RANBP2: variants seen among roughly 807,000 people sequenced by gnomAD.
The protein encoded by RANBP2 is E3 SUMO-protein ligase RanBP2.
RANBP2 carries 57 observed loss-of-function variants against 303.6 expected under a neutral mutation model. That is an observed-to-expected ratio of 0.19 (90% CI 0.15 to 0.23). RANBP2 has a LOEUF of 0.23. Among genes scored for constraint, RANBP2 ranks in the 10% least tolerant of loss-of-function variants. RANBP2 has a pLI of 1.00. For synonymous variants in RANBP2, 1,167 were observed against 1,301.5 expected, an observed-to-expected ratio of 0.90 and a Z score of 2.23; for missense variants, 3,138 against 3,780.8, an observed-to-expected ratio of 0.83 and a Z score of 4.46.
intron 2 of RANBP2, among the ~76,000 whole-genome samples, chr2:108,729,803 T>G (rs1480559091): frequency 6.6e-6 from 1 of 150,984 alleles, no homozygotes; most frequent in Non-Finnish European, 1.5e-5. Context: ...CACTGTAACC[T>G]CTGCCTTCTG....
the RANBP2 span, among the ~76,000 whole-genome samples, chr2:109,695,545 G>A: frequency 6.6e-6 from 1 of 152,192 alleles, no homozygotes; most frequent in South Asian, 2.1e-4. Context: ...TGGTGGTTCA[G>A]CTTGATTGAT....
At chr2:109,647,745 C>T in the RANBP2 span, among the ~76,000 whole-genome samples, 3 of 152,234 alleles carry the variant, frequency 2.0e-5, no homozygotes, top group East Asian at 1.9e-4. Flanking sequence ...ACTGGGATTA[C>T]AGGCATGAGC....
the RANBP2 span, among the ~76,000 whole-genome samples, chr2:109,322,844 A>G: frequency 6.6e-6 from 1 of 152,358 alleles, no homozygotes; most frequent in East Asian, 1.9e-4. Context: ...ATATGGGCAG[A>G]CAGCTTTATT....
the RANBP2 span, chr2:109,614,975 G>GC: frequency 1.5e-5 from 23 of 1,538,128 alleles, no homozygotes; most frequent in Non-Finnish European, 1.9e-5. Context: ...GCGACGTGCA[G>GC]CCCCTACCGC....
chr2:108,874,605 A>G, the RANBP2 span, among the ~76,000 whole-genome samples: 1 of 152,168 alleles, frequency 6.6e-6, no homozygotes, highest in African/African-American at 2.4e-5. Flanking sequence ...CCAGGCTTCC[A>G]TATGCTTGAG....
chr2:109,077,341 A>G, the RANBP2 span, among the ~76,000 whole-genome samples: 1 of 150,660 alleles, frequency 6.6e-6, no homozygotes, highest in African/African-American at 2.4e-5. Context: ...ATGTTTTTTG[A>G]TAAAGATTTT....
chr2:109,130,178 T>TG, the RANBP2 span: 1 of 1,237,496 alleles, frequency 8.1e-7, no homozygotes. Context: ...TGCTTGGGCG[T>TG]GGGGGGCAGT....
chr2:108,853,917 T>TACA, the RANBP2 span, among the ~76,000 whole-genome samples: 14 of 122,392 alleles, frequency 1.1e-4, no homozygotes, highest in African/African-American at 4.7e-4. Flanking sequence ...TTATATAGTA[T>TACA]ATATATTATA....
the RANBP2 span, among the ~76,000 whole-genome samples, chr2:109,463,831 C>G: frequency 1.3e-5 from 2 of 152,102 alleles, no homozygotes; most frequent in African/African-American, 2.4e-5. Context: ...CAGTGGAGGC[C>G]CCTTTCTCCC....
chr2:109,378,022 C>G, the RANBP2 span, among the ~76,000 whole-genome samples: 1 of 152,248 alleles, frequency 6.6e-6, no homozygotes, highest in Non-Finnish European at 1.5e-5. Context: ...GTTGGATTTG[C>G]CATTTTACCT....
rs1356731489 is a variant in RANBP2, at chr2:108,736,033, G to A, written c.637-71G>A. The A allele has an allele frequency of 1.5e-5, 24 of 1,610,900 alleles. No individual in the cohort carries two copies. In the Admixed American group the frequency reaches 2.8e-4, roughly 19 times the overall value. The stretch of plus-strand genomic sequence containing the variant: ...GTGGTTGGAGTGAGAAAAGGAATTT[G>A]TAGGCTTAAAATGATTAATTTCTTA... On this transcript the variant is annotated intron_variant, in intron 5 of 28. Coordinates refer to ENST00000283195, the MANE Select transcript of RANBP2 (RefSeq NM_006267.5).
At chr2:109,327,745 T>C in the RANBP2 span, among the ~76,000 whole-genome samples, 2 of 152,258 alleles carry the variant, frequency 1.3e-5, no homozygotes, top group African/African-American at 4.8e-5. Context: ...AAATATAAAG[T>C]ATTTTTAATT....
intron 25 of RANBP2, among the ~76,000 whole-genome samples, chr2:108,777,569 T>G (rs539054706): frequency 1.3e-5 from 2 of 152,244 alleles, no homozygotes; most frequent in East Asian, 3.9e-4. Flanking sequence ...TTTTGTGAGT[T>G]TATACTTTTT....
At chr2:109,694,028 TG>T in the RANBP2 span, among the ~76,000 whole-genome samples, 1 of 152,206 alleles carries the variant, frequency 6.6e-6, no homozygotes, top group Non-Finnish European at 1.5e-5. Flanking sequence ...TGTGTGTGCA[TG>T]TGTGTGTCTA....
At chr2:109,516,740 G>A in the RANBP2 span, among the ~76,000 whole-genome samples, 11 of 152,230 alleles carry the variant, frequency 7.2e-5, no homozygotes, top group African/African-American at 1.9e-4. Context: ...CCCCTCGACC[G>A]AACAATTCAA....
chr2:108,915,168 T>C, the RANBP2 span, among the ~76,000 whole-genome samples: 1 of 152,218 alleles, frequency 6.6e-6, no homozygotes, highest in Non-Finnish European at 1.5e-5. Context: ...CCTCCCAAAG[T>C]GCTGGGATTA....
At chr2:109,579,047 A>G in the RANBP2 span, among the ~76,000 whole-genome samples, 1 of 152,230 alleles carries the variant, frequency 6.6e-6, no homozygotes, top group Non-Finnish European at 1.5e-5. Flanking sequence ...AGACTAATCA[A>G]TCAGAAAAAG....
At chr2:109,087,614 T>G in the RANBP2 span, among the ~76,000 whole-genome samples, 3 of 152,156 alleles carry the variant, frequency 2.0e-5, no homozygotes, top group Non-Finnish European at 4.4e-5. Flanking sequence ...GCTAACACTA[T>G]GTTATCTAGG....
the RANBP2 span, among the ~76,000 whole-genome samples, chr2:109,450,817 A>G: frequency 6.6e-6 from 1 of 152,314 alleles, no homozygotes; most frequent in East Asian, 1.9e-4. Flanking sequence ...TGCTGCCTGA[A>G]CGGTTTAGGG....
Sources: gnomAD v4.1 joint callset for allele counts (sites outside exome capture counted in the v4.1 genomes callset) on GRCh38, gnomAD v4.1.1 for gene constraint, MANE v1.5 for transcripts, NCBI Gene and HGNC (gene_info 2026-07-23, HGNC 2026-07-21) for gene names.